Variants in SBF2 observed in about 807,000 individuals in gnomAD.
SBF2 encodes SET binding factor 2.
In SBF2, 112 loss-of-function variants were observed where a neutral mutation model predicts 225.2. That is an observed-to-expected ratio of 0.50 (90% CI 0.43 to 0.58). SBF2 has a LOEUF of 0.58. Ranked by LOEUF, SBF2 falls within the 20% of genes least tolerant of loss-of-function variation. The probability of loss-of-function intolerance (pLI) is 0.00; values close to 1 mark genes in which losing one functional copy is unlikely to be tolerated. For missense variants in SBF2, 1,996 were observed against 2,206.2 expected (o/e 0.90, Z 1.91); for synonymous variants, 763 against 773.3 (o/e 0.99, Z 0.22).
chr11:10,207,315 C>A (rs1306488466), intron 1 of SBF2, among the ~76,000 whole-genome samples: 1 of 152,026 alleles, frequency 6.6e-6, no homozygotes. Flanking sequence ...AAAAACTACA[C>A]TAACATTGAA....
chr11:9,925,975 T>A (rs1438914171), intron 16 of SBF2, among the ~76,000 whole-genome samples: 6 of 152,074 alleles, frequency 3.9e-5, no homozygotes, highest in Non-Finnish European at 7.4e-5. Flanking sequence ...ACGTTTTCCA[T>A]GAAATTAGTT....
At chr11:9,882,508 T>G (rs1447331824) in intron 17 of SBF2, among the ~76,000 whole-genome samples, 1 of 152,136 alleles carries the variant, frequency 6.6e-6, no homozygotes, top group Non-Finnish European at 1.5e-5. Flanking sequence ...TCTGATACAG[T>G]GCTTAAACAT....
chr11:9,836,836 T>A (rs550712996), intron 26 of SBF2, among the ~76,000 whole-genome samples: 20 of 152,298 alleles, frequency 1.3e-4, no homozygotes, highest in South Asian at 8.3e-4. Context: ...CTGTAAATAG[T>A]AGGAATAATA....
At chr11:9,919,146 C>A (rs180822271) in intron 16 of SBF2, among the ~76,000 whole-genome samples, 1 of 152,136 alleles carries the variant, frequency 6.6e-6, no homozygotes, top group African/African-American at 2.4e-5. Context: ...TTCTTCAGTT[C>A]GTAATTCCTA....
chr11:9,972,586 T>G (rs1946515001), intron 13 of SBF2, among the ~76,000 whole-genome samples: 1 of 152,220 alleles, frequency 6.6e-6, no homozygotes, highest in East Asian at 1.9e-4. Context: ...GTTCAAGTGA[T>G]TCTTCTGCCT....
intron 17 of SBF2, among the ~76,000 whole-genome samples, chr11:9,876,474 C>G (rs1859249397): frequency 6.6e-6 from 1 of 152,132 alleles, no homozygotes; most frequent in African/African-American, 2.4e-5. Context: ...AGGCCCTGAT[C>G]CAACAGGATT....
At chr11:9,864,303 G>A (rs546026042) in intron 17 of SBF2, among the ~76,000 whole-genome samples, 4 of 152,248 alleles carry the variant, frequency 2.6e-5, no homozygotes, top group South Asian at 4.1e-4. Flanking sequence ...ATTTCTGCAC[G>A]AGAGGTATAT....
At chr11:9,891,268 T>C (rs1221100057) in intron 17 of SBF2, among the ~76,000 whole-genome samples, 1 of 152,248 alleles carries the variant, frequency 6.6e-6, no homozygotes, top group Non-Finnish European at 1.5e-5. Context: ...TACTGGGTTT[T>C]ACTTTATTAT....
At chr11:10,212,585 T>G (rs1249081896) in intron 1 of SBF2, among the ~76,000 whole-genome samples, 1 of 152,234 alleles carries the variant, frequency 6.6e-6, no homozygotes, top group Non-Finnish European at 1.5e-5. Flanking sequence ...TATGGAGACC[T>G]AAAATCAATC....
intron 17 of SBF2, among the ~76,000 whole-genome samples, chr11:9,886,440 A>C (rs1047718792): frequency 2.0e-5 from 3 of 151,768 alleles, no homozygotes; most frequent in Non-Finnish European, 2.9e-5. Context: ...TCTTGTATTT[A>C]TATTTGTAGC....
chr11:10,029,859 A>G lies in SBF2; in HGVS notation c.419T>C (p.Ile140Thr). The G allele has an allele frequency of 3.1e-6, 5 of 1,613,026 alleles. No individual in the cohort carries two copies. The highest frequency in any genetic ancestry group is 4.2e-6 in the Non-Finnish European group (5 of 1,178,982). ...PEIFRACLGL[I>T]YTVYVDSLNV... ...CAGGCTGTCCACATACACGGTATAG[A>G]TCAAACCCAGGCAAGCCTGCAAAAA... Residue 140 changes from isoleucine (I) to threonine (T), a missense_variant, in exon 5 of 40, where the codon ATC becomes ACC. Transcript: ENST00000256190.
chr11:10,188,372 C>A (rs375684538), intron 2 of SBF2, among the ~76,000 whole-genome samples: 1 of 150,098 alleles, frequency 6.7e-6, no homozygotes, highest in Non-Finnish European at 1.5e-5. Flanking sequence ...CCAGGCTGTC[C>A]GCAAACAATA....
At chr11:10,273,047 G>T (rs7107040) in intron 1 of SBF2, among the ~76,000 whole-genome samples, 71,131 of 151,340 alleles carry the variant, frequency 0.47, 17,324 homozygotes, top group Non-Finnish European at 0.54. Context: ...TCCAGCCTGG[G>T]TGACAGAGTG....
chr11:10,134,129 A>G (rs7931804), intron 2 of SBF2, among the ~76,000 whole-genome samples: 32,081 of 152,134 alleles, frequency 0.21, 4,438 homozygotes, highest in Non-Finnish European at 0.32. Flanking sequence ...TGAAAGGCAT[A>G]TCTCACATGG....
At chr11:10,032,437 G>C (rs1949295582) in intron 3 of SBF2, among the ~76,000 whole-genome samples, 1 of 152,054 alleles carries the variant, frequency 6.6e-6, no homozygotes, top group Non-Finnish European at 1.5e-5. Context: ...AACACACTGG[G>C]CATGCTCCCA....
chr11:10,130,412 C>CCTTAAACA (rs1389448850), intron 2 of SBF2, among the ~76,000 whole-genome samples: 1 of 151,792 alleles, frequency 6.6e-6, no homozygotes, highest in African/African-American at 2.4e-5. Flanking sequence ...AACAATATAC[C>CCTTAAACA]CTTAAACAAT....
intron 1 of SBF2, among the ~76,000 whole-genome samples, chr11:10,270,966 G>T: frequency 8.2e-6 from 1 of 122,052 alleles, no homozygotes; most frequent in Non-Finnish European, 1.6e-5. Flanking sequence ...CTGCACTCCA[G>T]CCTGGGCGAC....
intron 28 of SBF2, among the ~76,000 whole-genome samples, chr11:9,817,860 C>T (rs183403104): frequency 1.7e-3 from 257 of 152,010 alleles, no homozygotes; most frequent in Admixed American, 3.0e-3. Flanking sequence ...AGCGCCACTG[C>T]GCTACATACT....
Position 9,842,667 on chromosome 11 carries a change from T to C in SBF2, c.3214A>G (p.Arg1072Gly), listed in dbSNP as rs1342154806. The C allele has an allele frequency of 6.8e-6, 11 of 1,614,022 alleles. No homozygotes were observed. Among genetic ancestry groups the C allele is most frequent in the Non-Finnish European group, 9.3e-6 (11 of 1,180,006 alleles). ...TCATTCCATCCAGGACGATTTACTCTTTCTTCCACAATTGTCCCTGTCTTC... is the reference window on the plus strand; with the variant it reads ...TCATTCCATCCAGGACGATTTACTCCTTCTTCCACAATTGTCCCTGTCTTC... ...KKKTGTIVEE[R>G]VNRPGWNEDD... Residue 1072 changes from arginine to glycine, a missense_variant, in exon 25 of 40, where the codon AGA (arginine) becomes GGA (glycine). Arg to Gly is a moderately radical substitution (Grantham distance 125). Coordinates refer to ENST00000256190, the MANE Select transcript of SBF2 (RefSeq NM_030962.4).
Sources: allele counts gnomAD v4.1 joint callset (sites outside exome capture counted in the v4.1 genomes callset), GRCh38; gene constraint gnomAD v4.1.1; transcripts MANE v1.5; gene names NCBI Gene and HGNC (gene_info 2026-07-23, HGNC 2026-07-21).